Variants in RBFOX3 observed in about 807,000 individuals in gnomAD.
RBFOX3 encodes RNA binding fox-1 homolog 3.
A neutral mutation model predicts 48.7 loss-of-function variants in RBFOX3; 17 were observed. That is an observed-to-expected ratio of 0.35 (90% CI 0.24 to 0.52). The LOEUF is 0.52. Among genes scored for constraint, RBFOX3 ranks in the 20% least tolerant of loss-of-function variants. RBFOX3 has a pLI of 0.94. For synonymous variants in RBFOX3, 212 were observed against 209.5 expected (o/e 1.01, Z -0.10); for missense variants, 382 against 497.5 (o/e 0.77, Z 2.21).
At chr17:79,116,260 C>A (rs1342540072) in intron 4 of RBFOX3, among the ~76,000 whole-genome samples, 1 of 152,186 alleles carries the variant, frequency 6.6e-6, no homozygotes, top group Admixed American at 6.5e-5. Flanking sequence ...CATCTCCTTC[C>A]CACCTCAAGA....
At position 79,527,608 on chromosome 17, in the gene RBFOX3, C is replaced by A. The variant is rs1180811134; in HGVS notation, c.-319-45010G>T. Among the ~76,000 whole-genome samples, 4 of 152,322 alleles carry A rather than the reference C, an allele frequency of 2.6e-5. No homozygotes were observed. In the East Asian group the frequency reaches 7.7e-4, roughly 29 times the overall value. ...CGCATGTGTATTTCTATACATTATTCCCTCCACGGAGGCTTCTGAGCCATG... is the reference window on the plus strand; with the variant it reads ...CGCATGTGTATTTCTATACATTATTACCTCCACGGAGGCTTCTGAGCCATG... On this transcript the variant is annotated intron_variant, in intron 1 of 14. Coordinates refer to ENST00000693108, the MANE Select transcript of RBFOX3 (RefSeq NM_001350451.2).
chr17:79,248,965 G>T (rs1425206513), intron 3 of RBFOX3, among the ~76,000 whole-genome samples: 1 of 152,224 alleles, frequency 6.6e-6, no homozygotes, highest in Non-Finnish European at 1.5e-5. Flanking sequence ...GCCCCCGCCT[G>T]CCACTCGCCA....
the RBFOX3 span, among the ~76,000 whole-genome samples, chr17:79,637,211 C>T: frequency 1.3e-5 from 2 of 152,106 alleles, no homozygotes; most frequent in South Asian, 2.1e-4. Flanking sequence ...TAGTAGGGGA[C>T]TTTAATATCT....
chr17:79,360,331 C>T (rs1395871600), intron 2 of RBFOX3, among the ~76,000 whole-genome samples: 1 of 152,106 alleles, frequency 6.6e-6, no homozygotes, highest in Non-Finnish European at 1.5e-5. Context: ...CTGCAGGGAA[C>T]CAAGGAACCT....
At chr17:79,233,316 C>A (rs969679247) in intron 4 of RBFOX3, among the ~76,000 whole-genome samples, 7 of 152,140 alleles carry the variant, frequency 4.6e-5, no homozygotes, top group African/African-American at 1.7e-4. Context: ...TCTACAGCGA[C>A]AAGAAGCAGA....
At chr17:79,628,673 G>A in the RBFOX3 span, among the ~76,000 whole-genome samples, 1,039 of 152,270 alleles carry the variant, frequency 6.8e-3, 2 homozygotes, top group Non-Finnish European at 9.8e-3. Context: ...CATCCCAGAA[G>A]GAAAGACCTT....
chr17:79,493,514 A>G (rs2081002923), intron 1 of RBFOX3, among the ~76,000 whole-genome samples: 1 of 151,916 alleles, frequency 6.6e-6, no homozygotes, highest in Non-Finnish European at 1.5e-5. Flanking sequence ...GCCCCATCAC[A>G]TCTCTCAGAT....
chr17:79,290,752 C>G (rs538224794), intron 3 of RBFOX3, among the ~76,000 whole-genome samples: 1 of 152,186 alleles, frequency 6.6e-6, no homozygotes, highest in Non-Finnish European at 1.5e-5. Flanking sequence ...TACATCTCAT[C>G]GAGCCTCCAG....
chr17:79,604,100 C>T (rs1329774567), intron 1 of RBFOX3, among the ~76,000 whole-genome samples: 1 of 152,258 alleles, frequency 6.6e-6, no homozygotes. Context: ...GTGCATGTAA[C>T]TGTGTGTGCC....
At chr17:79,308,495 G>T (rs1157646575) in intron 2 of RBFOX3, among the ~76,000 whole-genome samples, 3 of 152,182 alleles carry the variant, frequency 2.0e-5, no homozygotes, top group Non-Finnish European at 2.9e-5. Context: ...CTGGGTGGGG[G>T]CAACGTCAAG....
chr17:79,505,240 C>T (rs923346160), intron 1 of RBFOX3, among the ~76,000 whole-genome samples: 3,432 of 152,238 alleles, frequency 0.023, 157 homozygotes, highest in African/African-American at 0.079. Flanking sequence ...AGACCCCGCC[C>T]AGGCCCACCA....
chr17:79,348,032 C>T (rs117848935), intron 2 of RBFOX3, among the ~76,000 whole-genome samples: 2,682 of 152,280 alleles, frequency 0.018, 38 homozygotes, highest in Middle Eastern at 0.061. Context: ...CAAAAAATCA[C>T]AGTCAACCCC....
At chr17:79,160,948 C>T (rs1159802088) in intron 4 of RBFOX3, among the ~76,000 whole-genome samples, 4 of 150,168 alleles carry the variant, frequency 2.7e-5, no homozygotes, top group Non-Finnish European at 5.9e-5. Flanking sequence ...CCATTGTACT[C>T]CAGTCTCGGC....
chr17:79,097,284 G>A lies in RBFOX3; in HGVS notation c.755+8C>T, dbSNP rs1369752155. 3.9e-6 allele frequency: 6 copies of A among 1,533,850 alleles called. No homozygotes were observed. Among genetic ancestry groups the A allele is most frequent in the Admixed American group, 2.0e-5 (1 of 49,902 alleles). ...CTCCTCCACGCCTCCCCCGGCCCAG[G>A]TACTCACGCTCCGTAAGTCGGGATG... is the stretch of plus-strand genomic sequence containing the variant. On this transcript the variant is annotated splice_region_variant and intron_variant, in intron 11 of 14. Transcript: ENST00000693108.
chr17:79,624,065 C>T, the RBFOX3 span, among the ~76,000 whole-genome samples: 1 of 152,178 alleles, frequency 6.6e-6, no homozygotes, highest in African/African-American at 2.4e-5. Flanking sequence ...GCATTTTAGC[C>T]CAGAGAGGCC....
chr17:79,390,257 C>T lies in RBFOX3; in HGVS notation c.-174-82433G>A, dbSNP rs112280111. On this transcript the variant is annotated intron_variant, in intron 2 of 14. Coordinates refer to ENST00000693108, the MANE Select transcript of RBFOX3 (RefSeq NM_001350451.2). The surrounding 1 kb of genome is among the most constrained non-coding windows in gnomAD (Gnocchi z 4.2). Reference sequence around the variant, plus strand: ...TCCTAGAATAACACATCCCTCCGCCCCATCATCCTGCAATCCTTTAGCTGG... The same window carrying T: ...TCCTAGAATAACACATCCCTCCGCCTCATCATCCTGCAATCCTTTAGCTGG... Among the ~76,000 whole-genome samples the T allele has an allele frequency of 2.4e-3, 362 of 152,346 alleles. 3 individuals carry two copies. Among genetic ancestry groups the T allele is most frequent in the African/African-American group, 8.1e-3 (336 of 41,586 alleles).
chr17:79,456,839 A>G (rs1555745252), intron 2 of RBFOX3, among the ~76,000 whole-genome samples: 1 of 151,970 alleles, frequency 6.6e-6, no homozygotes, highest in East Asian at 1.9e-4. Context: ...CACTGCCTGG[A>G]CCAGCCCTCT....
At position 79,421,280 on chromosome 17, in the gene RBFOX3, T is replaced by C. The variant is rs1169260151; in HGVS notation, c.-175+61174A>G. ...CCCTGAGCGTGAGAACCATGACTGC[T>C]GGGCTCCGAGGTCCTCTAGCAAACA... On this transcript the variant is annotated intron_variant, in intron 2 of 14. Coordinates refer to ENST00000693108, the MANE Select transcript of RBFOX3 (RefSeq NM_001350451.2). This position sits in a 1 kb window ranked among gnomAD's most constrained non-coding sequence, Gnocchi z 4.5. Among the ~76,000 whole-genome samples, 2 of 152,194 alleles carry C rather than the reference T, an allele frequency of 1.3e-5. No homozygotes were observed. Among genetic ancestry groups the C allele is most frequent in the African/African-American group, 4.8e-5 (2 of 41,456 alleles).
chr17:79,392,790 C>T lies in RBFOX3; in HGVS notation c.-174-84966G>A, dbSNP rs146850471. Among the ~76,000 whole-genome samples the T allele has an allele frequency of 3.2e-4, 48 of 152,308 alleles. No individual in the cohort carries two copies. The highest frequency in any genetic ancestry group is 1.2e-3 in the African/African-American group (48 of 41,562). ...GCCAGAAATCAACCCGCAATTGCTACAGATCTCTGATGTGGGGTTGTTTGT... is the reference window on the plus strand; with the variant it reads ...GCCAGAAATCAACCCGCAATTGCTATAGATCTCTGATGTGGGGTTGTTTGT... On this transcript the variant is annotated intron_variant, in intron 2 of 14. Coordinates refer to ENST00000693108, the MANE Select transcript of RBFOX3 (RefSeq NM_001350451.2). The surrounding 1 kb of genome is among the most constrained non-coding windows in gnomAD (Gnocchi z 5.0).
Sources: allele counts gnomAD v4.1 joint callset (sites outside exome capture counted in the v4.1 genomes callset), GRCh38; gene constraint gnomAD v4.1.1; non-coding constraint Gnocchi (gnomAD v3.1); transcripts MANE v1.5; gene names NCBI Gene and HGNC (gene_info 2026-07-23, HGNC 2026-07-21).